ASTN1: variants seen among roughly 807,000 people sequenced by gnomAD.
The protein encoded by ASTN1 is astrotactin-1.
ASTN1 carries 41 observed loss-of-function variants against 140.7 expected under a neutral mutation model. That is an observed-to-expected ratio of 0.29 (90% CI 0.23 to 0.38). The LOEUF (loss-of-function observed/expected upper bound fraction) is 0.38. ASTN1 is among the 10% of genes least tolerant of loss of function. The pLI is 1.00. For synonymous variants in ASTN1, 640 were observed against 652.2 expected, an observed-to-expected ratio of 0.98 and a Z score of 0.29; for missense variants, 1,479 against 1,678.8, an observed-to-expected ratio of 0.88 and a Z score of 2.08.
chr1:176,867,838 T>C (rs1557921298), intron 22 of ASTN1, among the ~76,000 whole-genome samples: 1 of 152,220 alleles, frequency 6.6e-6, no homozygotes, highest in African/African-American at 2.4e-5. Context: ...GACTTTTGTA[T>C]GGTACTTTCA....
intron 1 of ASTN1, among the ~76,000 whole-genome samples, chr1:177,100,006 A>G (rs1316023785): frequency 6.6e-6 from 1 of 152,190 alleles, no homozygotes; most frequent in African/African-American, 2.4e-5. Flanking sequence ...AAAATTGTGA[A>G]TGCTGAGGTG....
intron 9 of ASTN1, among the ~76,000 whole-genome samples, chr1:176,960,857 G>T (rs1251535702): frequency 6.6e-6 from 1 of 151,978 alleles, no homozygotes; most frequent in Non-Finnish European, 1.5e-5. Flanking sequence ...GCAGACTCAG[G>T]TAAGATCCTA....
chr1:177,079,561 A>G (rs181023964), intron 1 of ASTN1, among the ~76,000 whole-genome samples: 48 of 152,158 alleles, frequency 3.2e-4, no homozygotes, highest in African/African-American at 9.4e-4. Flanking sequence ...TCCTTTTCCC[A>G]TTGTTCTCTG....
At chr1:177,088,787 C>A (rs1679597504) in intron 1 of ASTN1, among the ~76,000 whole-genome samples, 1 of 152,272 alleles carries the variant, frequency 6.6e-6, no homozygotes, top group Non-Finnish European at 1.5e-5. Context: ...CTTTACAGTG[C>A]TTTTTCCAAT....
chr1:177,063,788 C>A (rs776955780), intron 1 of ASTN1, among the ~76,000 whole-genome samples: 1 of 152,144 alleles, frequency 6.6e-6, no homozygotes, highest in African/African-American at 2.4e-5. Flanking sequence ...TGTCTCCTAA[C>A]CCTGGACATA....
rs572073433 is a variant in ASTN1, at chr1:176,889,263, G to A, written c.2941-1059C>T. Among the ~76,000 whole-genome samples the A allele has an allele frequency of 4.6e-5, 7 of 152,334 alleles. No homozygotes were observed. In the East Asian group the frequency reaches 9.7e-4, roughly 21 times the overall value. Reference sequence around the variant, plus strand: ...GCCTCAGCCCTATCCCAAGGGGAGGGAGAGGGTGGGACTGGCTGCAGGGAG... The same window carrying A: ...GCCTCAGCCCTATCCCAAGGGGAGGAAGAGGGTGGGACTGGCTGCAGGGAG... On this transcript the variant is annotated intron_variant, in intron 17 of 22. Coordinates refer to ENST00000361833, the MANE Select transcript of ASTN1 (RefSeq NM_004319.3).
At chr1:176,951,589 C>T (rs775264726) in intron 11 of ASTN1, among the ~76,000 whole-genome samples, 36 of 152,180 alleles carry the variant, frequency 2.4e-4, no homozygotes, top group African/African-American at 3.6e-4. Flanking sequence ...TCCAACCACC[C>T]GCTTTTTTCA....
At chr1:177,122,883 A>T (rs1681470056) in intron 1 of ASTN1, among the ~76,000 whole-genome samples, 1 of 152,186 alleles carries the variant, frequency 6.6e-6, no homozygotes, top group Non-Finnish European at 1.5e-5. Context: ...TGAGATAGTA[A>T]GCTAGGATCA....
intron 11 of ASTN1, among the ~76,000 whole-genome samples, chr1:176,956,087 G>T (rs1417088705): frequency 6.6e-6 from 1 of 152,112 alleles, no homozygotes; most frequent in Admixed American, 6.5e-5. Context: ...ACCAGCCAAA[G>T]GGAGGGTGGC....
At chr1:176,967,891 C>T (rs748906938) in intron 8 of ASTN1, among the ~76,000 whole-genome samples, 7 of 150,974 alleles carry the variant, frequency 4.6e-5, no homozygotes, top group Admixed American at 4.6e-4. Context: ...GGCAGGAGTG[C>T]AGTGTAGACC....
intron 1 of ASTN1, among the ~76,000 whole-genome samples, chr1:177,113,183 C>T (rs909990988): frequency 1.3e-5 from 2 of 152,080 alleles, no homozygotes; most frequent in African/African-American, 4.8e-5. Flanking sequence ...CGGGGGCAGT[C>T]AATTCACCAC....
At chr1:177,083,771 C>G (rs1297783755) in intron 1 of ASTN1, among the ~76,000 whole-genome samples, 1 of 152,100 alleles carries the variant, frequency 6.6e-6, no homozygotes, top group Admixed American at 6.5e-5. Context: ...TGGTAACCAC[C>G]TGGGGTCAGG....
intron 18 of ASTN1, among the ~76,000 whole-genome samples, chr1:176,884,706 C>T (rs1190622580): frequency 6.6e-6 from 1 of 152,178 alleles, no homozygotes; most frequent in Non-Finnish European, 1.5e-5. Flanking sequence ...ATTATAAACT[C>T]AGCCAATAAG....
At chr1:176,938,235 AGTTT>A (rs1671531744) in intron 14 of ASTN1, among the ~76,000 whole-genome samples, 9 of 152,242 alleles carry the variant, frequency 5.9e-5, no homozygotes, top group Admixed American at 5.9e-4. Flanking sequence ...TAACTTTACA[AGTTT>A]AAGACTTCAG....
chr1:176,886,561 G>A (rs1024880619), intron 18 of ASTN1, among the ~76,000 whole-genome samples: 1 of 152,220 alleles, frequency 6.6e-6, no homozygotes, highest in Non-Finnish European at 1.5e-5. Context: ...AAAGGCTAGT[G>A]TATCTACAGC....
At chr1:176,915,009 C>T (rs1004630719) in intron 16 of ASTN1, among the ~76,000 whole-genome samples, 1 of 152,140 alleles carries the variant, frequency 6.6e-6, no homozygotes, top group Non-Finnish European at 1.5e-5. Context: ...AAAAAATTTT[C>T]ATGCTCTGAT....
At chr1:177,153,224 C>A (rs556951872) in intron 1 of ASTN1, among the ~76,000 whole-genome samples, 220 of 152,166 alleles carry the variant, frequency 1.4e-3, no homozygotes, top group African/African-American at 5.0e-3. Context: ...AAGAAAAAAA[C>A]AAATCTTGGC....
intron 14 of ASTN1, among the ~76,000 whole-genome samples, chr1:176,939,922 G>A (rs1027198340): frequency 6.6e-6 from 1 of 151,832 alleles, no homozygotes; most frequent in Non-Finnish European, 1.5e-5. Flanking sequence ...ATGGAGGGAG[G>A]ACACTAGCTT....
Position 176,863,387 on chromosome 1 carries a change from T to C in ASTN1, c.*897A>G, listed in dbSNP as rs889043762. 1.3e-5 allele frequency: 13 copies of C among 985,744 alleles called. No homozygotes were observed. In the South Asian group the frequency reaches 1.9e-4, roughly 14 times the overall value. 61.1% of individuals were successfully genotyped at this position (985,744 alleles called of 1,614,324 possible). On this transcript the variant is annotated 3_prime_UTR_variant, in exon 23 of 23. Transcript: ENST00000361833. Reference sequence around the variant, plus strand: ...AGGTAAGAGGTGTGGGGGTTAAAGATAATCCAGGCACATGGATATATATTG... The same window carrying C: ...AGGTAAGAGGTGTGGGGGTTAAAGACAATCCAGGCACATGGATATATATTG...
Sources: gnomAD v4.1 joint callset for allele counts (sites outside exome capture counted in the v4.1 genomes callset) on GRCh38, gnomAD v4.1.1 for gene constraint, MANE v1.5 for transcripts, NCBI Gene and HGNC (gene_info 2026-07-23, HGNC 2026-07-21) for gene names.